Variants in CDYL observed in about 807,000 individuals in gnomAD.
The protein encoded by CDYL is chromodomain Y like, also known as chromodomain Y-like protein.
CDYL carries 8 observed loss-of-function variants against 47.3 expected under a neutral mutation model. The observed-to-expected ratio is 0.17, with a 90% CI of 0.10 to 0.31. CDYL has a LOEUF of 0.31. Among genes scored for constraint, CDYL ranks in the 10% least tolerant of loss-of-function variants. CDYL has a pLI of 1.00. For synonymous variants in CDYL, 266 were observed against 265.0 expected (o/e 1.00, Z -0.04); for missense variants, 471 against 701.4 (o/e 0.67, Z 3.71).
intron 2 of CDYL, among the ~76,000 whole-genome samples, chr6:4,920,997 G>GTGTT (rs1169452636): frequency 6.6e-6 from 1 of 151,488 alleles, no homozygotes; most frequent in East Asian, 1.9e-4. Flanking sequence ...TGATACATCT[G>GTGTT]TGTGTGTGTG....
At chr6:4,852,328 TTCCTTCCC>T (rs544515650) in intron 1 of CDYL, among the ~76,000 whole-genome samples, 1 of 151,694 alleles carries the variant, frequency 6.6e-6, no homozygotes, top group Admixed American at 6.6e-5. Context: ...CCTTCCTTCC[TTCCTTCCC>T]TCCTTCCTTC....
intron 5 of CDYL, among the ~76,000 whole-genome samples, chr6:4,945,334 G>A (rs11756225): frequency 0.11 from 16,432 of 152,096 alleles, 988 homozygotes; most frequent in Non-Finnish European, 0.13. Flanking sequence ...AAACCAGAAC[G>A]TTTAAAATAA....
At chr6:4,943,258 C>T (rs1035925781) in intron 4 of CDYL, among the ~76,000 whole-genome samples, 2 of 152,146 alleles carry the variant, frequency 1.3e-5, no homozygotes, top group Admixed American at 6.5e-5. Context: ...GCCCGAGAGC[C>T]ACCTGCAAAT....
intron 3 of CDYL, among the ~76,000 whole-genome samples, chr6:4,769,897 C>G (rs546063054): frequency 1.6e-3 from 246 of 152,070 alleles, no homozygotes; most frequent in Non-Finnish European, 3.1e-3. Context: ...CCAGGGTTCA[C>G]GCCATTCTCC....
At chr6:4,807,898 C>T (rs116497140) in intron 1 of CDYL, among the ~76,000 whole-genome samples, 2,437 of 152,092 alleles carry the variant, frequency 0.016, 68 homozygotes, top group African/African-American at 0.054. Context: ...TGAGCCACCG[C>T]GCCGGGCTCA....
At chr6:4,710,572 G>A (rs1456256033) in intron 1 of CDYL, among the ~76,000 whole-genome samples, 1 of 152,034 alleles carries the variant, frequency 6.6e-6, no homozygotes, top group Non-Finnish European at 1.5e-5. Flanking sequence ...AGGGAGGGAG[G>A]GAGGAACCCA....
rs142840756 is a variant in CDYL, at chr6:4,707,084, T to C, written c.-39+833T>C. On this transcript the variant is annotated intron_variant, in intron 1 of 8. Coordinates refer to the CDYL transcript ENST00000328908. ...CAATCAGGTTTTTTTAAGGAAAAGA[T>C]GCATTCCATGAAGTCAAATATCCAA... is the stretch of plus-strand genomic sequence containing the variant. 2.0e-3 allele frequency among the ~76,000 whole-genome samples: 309 copies of C among 152,242 alleles called. 2 individuals carry two copies. The highest frequency in any genetic ancestry group is 2.4e-3 in the Non-Finnish European group (163 of 68,018).
chr6:4,810,120 T>C (rs986074983), intron 1 of CDYL, among the ~76,000 whole-genome samples: 1 of 152,122 alleles, frequency 6.6e-6, no homozygotes, highest in Non-Finnish European at 1.5e-5. Flanking sequence ...TTGGTGTATG[T>C]GTGTGTGTTT....
At chr6:4,715,325 A>T (rs964081895) in intron 1 of CDYL, among the ~76,000 whole-genome samples, 19 of 152,222 alleles carry the variant, frequency 1.2e-4, no homozygotes, top group Non-Finnish European at 1.0e-4. Flanking sequence ...TCTACTAGAA[A>T]AGCTGAAAAA....
At chr6:4,849,237 G>A (rs1317403565) in intron 1 of CDYL, among the ~76,000 whole-genome samples, 1 of 152,106 alleles carries the variant, frequency 6.6e-6, no homozygotes, top group Non-Finnish European at 1.5e-5. Flanking sequence ...AACATTTTAG[G>A]CAAACTGGGA....
Position 4,938,822 on chromosome 6 carries a change from A to G in CDYL, c.1121+1085A>G, listed in dbSNP as rs560652606. Among the ~76,000 whole-genome samples the G allele has an allele frequency of 2.2e-4, 33 of 152,350 alleles. No homozygotes were observed. The South Asian group carries it at 6.4e-3, about 30-fold the overall frequency. On this transcript the variant is annotated intron_variant, in intron 4 of 6. Coordinates refer to ENST00000397588, the MANE Select transcript of CDYL (RefSeq NM_004824.4). ...CTTGGTTGTTGGATTTTCCTCTGCT[A>G]TATGATAACATATATCAGCAAAACT... is the stretch of plus-strand genomic sequence containing the variant.
chr6:4,922,321 T>TTTC (rs1167032359), intron 2 of CDYL, among the ~76,000 whole-genome samples: 1 of 152,234 alleles, frequency 6.6e-6, no homozygotes, highest in Non-Finnish European at 1.5e-5. Context: ...TTCACTGGGA[T>TTTC]TTCCCCTCTT....
At chr6:4,877,470 A>G (rs1326769602) in intron 1 of CDYL, among the ~76,000 whole-genome samples, 1 of 152,120 alleles carries the variant, frequency 6.6e-6, no homozygotes, top group East Asian at 1.9e-4. Context: ...TAGCTTTTAT[A>G]CTTAGGCCTG....
At position 4,892,955 on chromosome 6, in the gene CDYL, C is replaced by T. The variant is rs527300792; in HGVS notation, c.691+576C>T. Reference sequence around the variant, plus strand: ...CCGGTGGTGTCCTCTGTTTTACTCTCATCCCCAGCCCCGCTCCTGGGTTCT... The same window carrying T: ...CCGGTGGTGTCCTCTGTTTTACTCTTATCCCCAGCCCCGCTCCTGGGTTCT... On this transcript the variant is annotated intron_variant, in intron 2 of 6. Transcript: ENST00000397588. Among the ~76,000 whole-genome samples the T allele has an allele frequency of 7.2e-5, 11 of 152,324 alleles. 1 individual carries two copies. In the South Asian group the frequency reaches 2.3e-3, roughly 32 times the overall value.
chr6:4,845,959 T>G (rs1760643354), intron 1 of CDYL, among the ~76,000 whole-genome samples: 1 of 152,152 alleles, frequency 6.6e-6, no homozygotes, highest in South Asian at 2.1e-4. Flanking sequence ...TCTAATTGCC[T>G]GTAAAGTTCT....
chr6:4,805,665 G>A (rs1274889056), intron 1 of CDYL, among the ~76,000 whole-genome samples: 1 of 152,262 alleles, frequency 6.6e-6, no homozygotes, highest in East Asian at 1.9e-4. Context: ...CTGAAGGCCC[G>A]GGAACCAGGG....
chr6:4,787,977 G>A (rs1758801985), intron 1 of CDYL, among the ~76,000 whole-genome samples: 1 of 151,748 alleles, frequency 6.6e-6, no homozygotes, highest in Admixed American at 6.6e-5. Flanking sequence ...TCACCATTTT[G>A]GCCAGGCTGG....
chr6:4,786,689 C>T (rs1476228089), intron 1 of CDYL, among the ~76,000 whole-genome samples: 1 of 152,058 alleles, frequency 6.6e-6, no homozygotes, highest in Non-Finnish European at 1.5e-5. Context: ...GTGCTGTTGC[C>T]TTGAGCTGGT....
chr6:4,752,106 A>T (rs1340848482), intron 3 of CDYL, among the ~76,000 whole-genome samples: 1 of 152,236 alleles, frequency 6.6e-6, no homozygotes. Flanking sequence ...TGGGGCAATT[A>T]GCACAGGGAC....
Sources: allele counts gnomAD v4.1 joint callset (sites outside exome capture counted in the v4.1 genomes callset), GRCh38; gene constraint gnomAD v4.1.1; transcripts MANE v1.5; gene names NCBI Gene and HGNC (gene_info 2026-07-23, HGNC 2026-07-21).